The following ODAD2 variants were observed in gnomAD, a reference collection of about 807,000 sequenced individuals.
ODAD2 encodes the protein outer dynein arm-docking complex subunit 2.
A neutral mutation model predicts 106.8 loss-of-function variants in ODAD2; 89 were observed. The observed-to-expected ratio is 0.83, with a 90% CI of 0.70 to 0.99. The LOEUF (loss-of-function observed/expected upper bound fraction) is 0.99, where lower values mean the gene tolerates loss of function less well. Ranked by LOEUF, ODAD2 falls within the 50% of genes least tolerant of loss-of-function variation. The pLI is 0.00. For synonymous variants in ODAD2, 404 were observed against 436.2 expected, an observed-to-expected ratio of 0.93 and a Z score of 0.92; for missense variants, 1,168 against 1,238.5, an observed-to-expected ratio of 0.94 and a Z score of 0.85.
chr10:27,944,438 GAGAAAAAAAA>G lies in ODAD2; in HGVS notation c.1534-17_1534-8del. 1 of 1,604,550 alleles carries G rather than the reference GAGAAAAAAAA, an allele frequency of 6.2e-7. No individual in the cohort carries two copies. The highest frequency in any genetic ancestry group is 1.1e-5 in the South Asian group (1 of 90,168). ...GTATTTTTAATGAACCAATCTGTGT[GAGAAAAAAAA>G]AGATGAGTGGCGAATATGTAACCCG... On this transcript the variant is annotated splice_polypyrimidine_tract_variant and splice_region_variant and intron_variant, in intron 11 of 19. Transcript: ENST00000305242.
At chr10:27,975,085 T>C (rs1467243624) in intron 7 of ODAD2, among the ~76,000 whole-genome samples, 1 of 152,180 alleles carries the variant, frequency 6.6e-6, no homozygotes. Flanking sequence ...TGTACGTTGA[T>C]ACATTGATTT....
At chr10:27,935,301 C>T in intron 15 of ODAD2, 49 bp from the exon 16 acceptor site, 1 of 1,596,672 alleles carries the variant, frequency 6.3e-7, no homozygotes, top group Non-Finnish European at 8.6e-7. Context: ...ATAAGGTTTG[C>T]TAAAAATTAC....
intron 17 of ODAD2, among the ~76,000 whole-genome samples, chr10:27,884,719 C>T (rs1412150437): frequency 1.3e-5 from 2 of 152,140 alleles, no homozygotes; most frequent in Non-Finnish European, 2.9e-5. Context: ...CAAGAGATTA[C>T]AGGCACAGAA....
intron 9 of ODAD2, among the ~76,000 whole-genome samples, chr10:27,963,563 T>C (rs1178532857): frequency 6.6e-6 from 1 of 152,130 alleles, no homozygotes; most frequent in Non-Finnish European, 1.5e-5. Context: ...CCTCTAACTC[T>C]GAAATCCAAA....
At chr10:27,904,718 TG>T in intron 17 of ODAD2, among the ~76,000 whole-genome samples, 1 of 152,350 alleles carries the variant, frequency 6.6e-6, no homozygotes, top group African/African-American at 2.4e-5. Context: ...AGTTTTTCCC[TG>T]GCTATTCCGA....
At chr10:27,890,771 TAA>T (rs10569745) in intron 17 of ODAD2, among the ~76,000 whole-genome samples, 32,265 of 148,500 alleles carry the variant, frequency 0.22, 4,682 homozygotes, top group African/African-American at 0.41. Flanking sequence ...TATATATATT[TAA>T]AAAAAAAAAA....
rs926237412 is a variant in ODAD2, at chr10:27,851,022, G to A, written c.3021+9603C>T. Among the ~76,000 whole-genome samples, 4 of 152,254 alleles carry A rather than the reference G, an allele frequency of 2.6e-5. No homozygotes were observed. The East Asian group carries it at 5.8e-4, about 22-fold the overall frequency. On this transcript the variant is annotated intron_variant, in intron 19 of 19. Coordinates refer to ENST00000305242, the MANE Select transcript of ODAD2 (RefSeq NM_018076.5). ...TGGAACAGAGAAACCTGGGGTCTGC[G>A]GAAGGTGCCTCTTGAATATTCGGCT...
chr10:27,956,927 A>G (rs1005045952), intron 10 of ODAD2: 4 of 152,180 alleles, frequency 2.6e-5, no homozygotes, highest in Admixed American at 1.3e-4. Context: ...CACATTTCCA[A>G]ACAAAATATC....
At chr10:27,941,607 T>TTTG (rs1246682290) in intron 12 of ODAD2, among the ~76,000 whole-genome samples, 4 of 150,054 alleles carry the variant, frequency 2.7e-5, no homozygotes, top group Non-Finnish European at 4.4e-5. Context: ...TTTTTTTTTT[T>TTTG]TTTTTTTTTG....
chr10:27,874,862 T>C (rs902721500), intron 17 of ODAD2, among the ~76,000 whole-genome samples: 2 of 152,196 alleles, frequency 1.3e-5, no homozygotes, highest in Non-Finnish European at 2.9e-5. Context: ...GGAGTATCTT[T>C]GTGGTGTTCT....
chr10:27,942,452 A>C lies in ODAD2; in HGVS notation c.1744-1647T>G, dbSNP rs140512387. ...TTTATATCAGTTAGTCTATAGGAAA[A>C]CTGGTTTTGTTACATGTTGTTTTGC... On this transcript the variant is annotated intron_variant, in intron 12 of 19. Transcript: ENST00000305242. 5.8e-3 allele frequency among the ~76,000 whole-genome samples: 879 copies of C among 152,266 alleles called. 7 individuals are homozygous for C. Among genetic ancestry groups the C allele is most frequent in the African/African-American group, 0.02 (835 of 41,550 alleles).
chr10:27,959,866 C>T (rs1350919734), intron 10 of ODAD2, among the ~76,000 whole-genome samples: 1 of 151,916 alleles, frequency 6.6e-6, no homozygotes, highest in Non-Finnish European at 1.5e-5. Flanking sequence ...TGTAAAAAAA[C>T]TTATGTAATA....
intron 17 of ODAD2, among the ~76,000 whole-genome samples, chr10:27,893,410 G>A (rs2133728530): frequency 6.6e-6 from 1 of 152,326 alleles, no homozygotes; most frequent in Non-Finnish European, 1.5e-5. Flanking sequence ...CATGACGCCT[G>A]ACAGACGTGG....
chr10:27,948,917 A>C (rs1847138102), intron 10 of ODAD2, among the ~76,000 whole-genome samples: 2 of 151,210 alleles, frequency 1.3e-5, no homozygotes, highest in African/African-American at 4.9e-5. Context: ...AGATTGAATG[A>C]AAGTCGCTCT....
intron 19 of ODAD2, among the ~76,000 whole-genome samples, chr10:27,818,993 A>C (rs542739498): frequency 6.6e-6 from 1 of 152,220 alleles, no homozygotes; most frequent in Admixed American, 6.5e-5. Context: ...CAACCTTCTC[A>C]TATGTGTAAA....
At chr10:27,974,946 T>A (rs1016273481) in intron 7 of ODAD2, among the ~76,000 whole-genome samples, 1 of 152,176 alleles carries the variant, frequency 6.6e-6, no homozygotes, top group African/African-American at 2.4e-5. Context: ...ACTGTAGAGA[T>A]CTTTCACCTT....
chr10:27,946,539 C>T (rs1357919713), intron 10 of ODAD2, among the ~76,000 whole-genome samples: 2 of 152,082 alleles, frequency 1.3e-5, no homozygotes, highest in Non-Finnish European at 2.9e-5. Flanking sequence ...TTTACAATTC[C>T]TCCCTTCTAG....
chr10:27,926,649 A>G (rs1845278397), intron 16 of ODAD2, among the ~76,000 whole-genome samples: 2 of 152,340 alleles, frequency 1.3e-5, no homozygotes, highest in African/African-American at 4.8e-5. Context: ...CAACTTTTCC[A>G]TAAGTCCAAT....
At chr10:27,974,677 C>T (rs12411354) in intron 7 of ODAD2, among the ~76,000 whole-genome samples, 29,288 of 146,104 alleles carry the variant, frequency 0.2, 3,361 homozygotes, top group Middle Eastern at 0.3. Context: ...CCTCCAGCTT[C>T]GGTCTGTTTT....
Sources: allele counts gnomAD v4.1 joint callset (sites outside exome capture counted in the v4.1 genomes callset), GRCh38; gene constraint gnomAD v4.1.1; transcripts MANE v1.5; gene names NCBI Gene and HGNC (gene_info 2026-07-23, HGNC 2026-07-21).